Variants in NOC3L observed in about 807,000 individuals in gnomAD.
The protein encoded by NOC3L is nucleolar complex protein 3 homolog.
Under a neutral mutation model 102.5 loss-of-function variants are expected in NOC3L, and 85 were observed. The ratio of observed to expected loss-of-function variants is 0.83; its 90% confidence interval spans 0.70 to 0.99. NOC3L has a LOEUF of 0.99. NOC3L is among the 50% of genes least tolerant of loss of function. The pLI is 0.00. For synonymous variants in NOC3L, 303 were observed against 309.4 expected (o/e 0.98, Z 0.22); for missense variants, 878 against 914.9 (o/e 0.96, Z 0.52).
intron 12 of NOC3L, 38 bp downstream of exon 12, chr10:94,344,815 C>T (rs372960366): frequency 1.4e-5 from 21 of 1,449,420 alleles, no homozygotes; most frequent in Middle Eastern, 1.8e-4. Context: ...AACAACTTAA[C>T]GCATTTTAAA....
At chr10:94,328,015 ATAT>A in the NOC3L span, 1 of 530,618 alleles carries the variant, frequency 1.9e-6, no homozygotes, top group South Asian at 1.4e-5. Flanking sequence ...GGTGGAAAAA[ATAT>A]AATTATTTTC....
the NOC3L span, chr10:94,316,620 C>G: frequency 4.3e-5 from 69 of 1,607,584 alleles, no homozygotes; most frequent in Non-Finnish European, 5.9e-5. Flanking sequence ...TATTTTATAT[C>G]TAAAGAAAAG....
In NOC3L at chr10:94,350,184, G is replaced by A. The variant is rs762597132; in HGVS notation, c.1057C>T (p.Leu353=). ...VKSLCELLVA[L]PHFNFHNNII... is the part of the protein sequence containing the mutation. ...TTGTTGTGAAAGTTAAAATGAGGTA[G>A]TGCCACCAACAGCTCACACAAGCTC... The change falls in exon 9 of 21, where the codon CTA becomes TTA. Residue 353 remains leucine, a synonymous_variant. Coordinates refer to ENST00000371361, the MANE Select transcript of NOC3L (RefSeq NM_022451.11). The A allele has an allele frequency of 1.2e-5, 20 of 1,614,130 alleles. No individual in the cohort carries two copies. Among genetic ancestry groups the A allele is most frequent in the Non-Finnish European group, 1.7e-5 (20 of 1,179,996 alleles).
intron 1 of NOC3L, among the ~76,000 whole-genome samples, chr10:94,362,536 C>A (rs1460978288): frequency 4.6e-5 from 7 of 152,122 alleles, no homozygotes; most frequent in Admixed American, 4.6e-4. Context: ...GAGGGTAGGA[C>A]CCTGCTTCTC....
intron 5 of NOC3L, 68 bp from the exon 6 acceptor site, chr10:94,355,161 A>G: frequency 1.5e-6 from 2 of 1,335,672 alleles, no homozygotes; most frequent in Non-Finnish European, 2.0e-6. Flanking sequence ...TTAATAAAAT[A>G]TTTTTACAGT....
At position 94,358,177 on chromosome 10, in the gene NOC3L, C is replaced by CTTCT. The variant is rs1313293092; in HGVS notation, c.252_255dup (p.Ala86ArgfsTer10). Reference sequence around the variant, plus strand: ...TCATCCATCATATCTAAAGGAAGGGCTTCTTCTTCTTCCTCTTCTTCCCTC... The same window carrying CTTCT: ...TCATCCATCATATCTAAAGGAAGGGCTTCTTTCTTCTTCTTCCTCTTCTTCCCTC... On this transcript the variant is annotated frameshift_variant, in exon 3 of 21. Coordinates refer to ENST00000371361, the MANE Select transcript of NOC3L (RefSeq NM_022451.11). LOFTEE classifies it high-confidence loss of function. The CTTCT allele has an allele frequency of 6.2e-7, 1 of 1,601,058 alleles. No homozygotes were observed. The highest frequency in any genetic ancestry group is 1.3e-5 in the African/African-American group (1 of 74,674).
chr10:94,321,136 G>T, the NOC3L span, among the ~76,000 whole-genome samples: 1 of 152,144 alleles, frequency 6.6e-6, no homozygotes, highest in Non-Finnish European at 1.5e-5. Flanking sequence ...ATTCAGCCTT[G>T]TCACTGCAGT....
chr10:94,316,842 A>G, the NOC3L span: 12 of 945,002 alleles, frequency 1.3e-5, no homozygotes, highest in African/African-American at 1.9e-4. Context: ...GAAATTCAGA[A>G]TTTCTTGTAA....
chr10:94,359,960 A>G (rs2054533841), intron 2 of NOC3L, among the ~76,000 whole-genome samples: 1 of 152,244 alleles, frequency 6.6e-6, no homozygotes, highest in Non-Finnish European at 1.5e-5. Flanking sequence ...ATGTTCATTC[A>G]GCACTATCCA....
At chr10:94,324,770 C>G in the NOC3L span, 1 of 1,076,384 alleles carries the variant, frequency 9.3e-7, no homozygotes, top group Non-Finnish European at 1.4e-6. Flanking sequence ...GAGGGGAGCT[C>G]CTCAGCCCTA....
intron 19 of NOC3L, among the ~76,000 whole-genome samples, chr10:94,335,471 CTG>C (rs929986549): frequency 3.9e-5 from 6 of 152,012 alleles, no homozygotes; most frequent in Non-Finnish European, 5.9e-5. Flanking sequence ...GGGGTGAAGA[CTG>C]GGGACAGGTG....
chr10:94,341,167 T>C (rs548294219), intron 14 of NOC3L, among the ~76,000 whole-genome samples: 1 of 151,688 alleles, frequency 6.6e-6, no homozygotes, highest in Non-Finnish European at 1.5e-5. Flanking sequence ...AGTGAGACCC[T>C]ATCTCAAAAA....
At chr10:94,323,461 T>C in the NOC3L span, among the ~76,000 whole-genome samples, 1,876 of 152,282 alleles carry the variant, frequency 0.012, 46 homozygotes, top group African/African-American at 0.042. Context: ...AAGCCCTTAT[T>C]TATTTCTTTT....
intron 2 of NOC3L, among the ~76,000 whole-genome samples, chr10:94,360,370 GTAT>G (rs1197711226): frequency 6.6e-6 from 1 of 152,052 alleles, no homozygotes; most frequent in African/African-American, 2.4e-5. Flanking sequence ...ACACAATGTA[GTAT>G]TATTCAGCCA....
At chr10:94,322,045 G>C in the NOC3L span, 1 of 1,614,106 alleles carries the variant, frequency 6.2e-7, no homozygotes, top group Non-Finnish European at 8.5e-7. Context: ...CACTGCACAG[G>C]ATGTCATTCA....
At position 94,362,845 on chromosome 10, in the gene NOC3L, G is replaced by T. The variant is rs1387616811; in HGVS notation, c.-7C>A. 6.2e-7 allele frequency: 1 copy of T among 1,614,050 alleles called. No homozygotes were observed. The highest frequency in any genetic ancestry group is 2.2e-5 in the East Asian group (1 of 44,884). On this transcript the variant is annotated 5_prime_UTR_variant, in exon 1 of 21. Coordinates refer to ENST00000371361, the MANE Select transcript of NOC3L (RefSeq NM_022451.11). Reference sequence around the variant, plus strand: ...GGACACTTACCGCCTTCATCCTTAGGCCTTAAATGAATGCCGGCCAGACAA... The same window carrying T: ...GGACACTTACCGCCTTCATCCTTAGTCCTTAAATGAATGCCGGCCAGACAA...
At chr10:94,322,975 A>G in the NOC3L span, among the ~76,000 whole-genome samples, 84 of 152,310 alleles carry the variant, frequency 5.5e-4, no homozygotes, top group Middle Eastern at 3.4e-3. Flanking sequence ...ACAAATTTTA[A>G]AAGTTTAAAA....
the NOC3L span, among the ~76,000 whole-genome samples, chr10:94,318,169 G>A: frequency 6.6e-6 from 1 of 152,170 alleles, no homozygotes; most frequent in African/African-American, 2.4e-5. Context: ...GCAAAAAAAT[G>A]TAATTGTCTC....
At chr10:94,318,908 C>T in the NOC3L span, among the ~76,000 whole-genome samples, 1 of 152,096 alleles carries the variant, frequency 6.6e-6, no homozygotes, top group Non-Finnish European at 1.5e-5. Context: ...ATTAGCAGGG[C>T]GTGGTAGCAG....
Sources: gnomAD v4.1 joint callset for allele counts (sites outside exome capture counted in the v4.1 genomes callset) on GRCh38, gnomAD v4.1.1 for gene constraint, MANE v1.5 for transcripts, NCBI Gene and HGNC (gene_info 2026-07-23, HGNC 2026-07-21) for gene names.